FNDC1: variants seen among roughly 807,000 people sequenced by gnomAD.
FNDC1 encodes fibronectin type III domain-containing protein 1.
A neutral mutation model predicts 168.0 loss-of-function variants in FNDC1; 96 were observed. That is an observed-to-expected ratio of 0.57 (90% CI 0.48 to 0.68). FNDC1 has a LOEUF of 0.68. Ranked by LOEUF, FNDC1 falls within the 30% of genes least tolerant of loss-of-function variation. The pLI is 0.00. For synonymous variants in FNDC1, 1,099 were observed against 1,025.9 expected, an observed-to-expected ratio of 1.07 and a Z score of -1.36; for missense variants, 2,587 against 2,482.1, an observed-to-expected ratio of 1.04 and a Z score of -0.90.
intron 1 of FNDC1, among the ~76,000 whole-genome samples, chr6:159,174,503 C>T (rs1297165081): frequency 2.0e-5 from 3 of 152,270 alleles, no homozygotes. Context: ...TTCCGTGCAG[C>T]CCTAGTTGGA....
intron 4 of FNDC1, among the ~76,000 whole-genome samples, chr6:159,209,564 C>A (rs187736002): frequency 6.6e-6 from 1 of 152,298 alleles, no homozygotes; most frequent in African/African-American, 2.4e-5. Context: ...TGATGACACC[C>A]AGGATGTCAG....
Position 159,232,719 on chromosome 6 carries a change from T to C in FNDC1, c.2207T>C (p.Leu736Pro). 6.2e-7 allele frequency: 1 copy of C among 1,613,796 alleles called. No individual in the cohort carries two copies. The highest frequency in any genetic ancestry group is 1.1e-5 in the South Asian group (1 of 91,082). The change falls in exon 11 of 23, where the codon CTG (leucine) becomes CCG (proline). Residue 736 changes from leucine (L) to proline (P), a missense_variant. Transcript: ENST00000297267. This position sits in a 1 kb window ranked among gnomAD's most constrained non-coding sequence, Gnocchi z 4.9. ...SSRLLPTQPH[L>P]SSPLSKGGKD... ...CGGCTGCTGCCCACCCAGCCACACC[T>C]GAGCTCTCCACTTTCCAAGGGCGGG... is the stretch of plus-strand genomic sequence containing the variant.
intron 4 of FNDC1, among the ~76,000 whole-genome samples, chr6:159,205,368 G>C (rs1487411417): frequency 6.6e-6 from 1 of 152,196 alleles, no homozygotes; most frequent in Non-Finnish European, 1.5e-5. Context: ...TAAGGCATAT[G>C]ATCTTGCTGG....
intron 21 of FNDC1, among the ~76,000 whole-genome samples, chr6:159,266,586 A>G (rs1028765877): frequency 6.6e-6 from 1 of 152,178 alleles, no homozygotes; most frequent in African/African-American, 2.4e-5. Flanking sequence ...TCTACTAAAA[A>G]GAAATAAAAA....
intron 22 of FNDC1, among the ~76,000 whole-genome samples, chr6:159,268,263 T>A (rs1008000405): frequency 6.6e-6 from 1 of 152,054 alleles, no homozygotes; most frequent in Non-Finnish European, 1.5e-5. Context: ...AATACACTAA[T>A]CTCAAAGGTT....
At chr6:159,185,474 G>T (rs995799450) in intron 1 of FNDC1, among the ~76,000 whole-genome samples, 10 of 152,308 alleles carry the variant, frequency 6.6e-5, no homozygotes, top group African/African-American at 2.2e-4. Flanking sequence ...ACAAGTAAGA[G>T]AATTGTTTAT....
Position 159,239,722 on chromosome 6 carries a change from CACT to C in FNDC1, c.4389_4391del (p.Thr1465del), listed in dbSNP as rs1783364986. On this transcript the variant is annotated inframe_deletion, in exon 14 of 23. Coordinates refer to ENST00000297267, the MANE Select transcript of FNDC1 (RefSeq NM_032532.3). ...CCACTACTACGACGCCCCTGCCTACCACTACAACCCCGAGGCCCACCACTGCCA... is the reference window on the plus strand; with the variant it reads ...CCACTACTACGACGCCCCTGCCTACCACAACCCCGAGGCCCACCACTGCCA... The C allele has an allele frequency of 6.5e-7, 1 of 1,548,104 alleles. No homozygotes were observed. The highest frequency in any genetic ancestry group is 2.4e-5 in the East Asian group (1 of 40,900).
chr6:159,186,557 G>T (rs1023767392), intron 1 of FNDC1, among the ~76,000 whole-genome samples: 9 of 152,262 alleles, frequency 5.9e-5, no homozygotes, highest in Non-Finnish European at 1.5e-5. Context: ...ATGTAAGGCA[G>T]CATGCCTGGC....
chr6:159,201,859 C>T lies in FNDC1; in HGVS notation c.460+1278C>T, dbSNP rs1416379259. On this transcript the variant is annotated intron_variant, in intron 4 of 22. Transcript: ENST00000297267. ...TAAGCGTCTTATTTTTACATCCTTC[C>T]TGATACAGTTTTTTGAATGACAATA... Among the ~76,000 whole-genome samples the T allele has an allele frequency of 2.0e-5, 3 of 152,266 alleles. No homozygotes were observed. In the Middle Eastern group the frequency reaches 0.01, roughly 518 times the overall value.
intron 6 of FNDC1, among the ~76,000 whole-genome samples, chr6:159,222,920 A>G (rs1782860173): frequency 6.6e-6 from 1 of 152,112 alleles, no homozygotes; most frequent in South Asian, 2.1e-4. Flanking sequence ...CACCTAGGCA[A>G]AGCATCCCCT....
intron 1 of FNDC1, among the ~76,000 whole-genome samples, chr6:159,176,927 C>T (rs577240849): frequency 2.0e-5 from 3 of 152,198 alleles, no homozygotes; most frequent in South Asian, 4.1e-4. Context: ...AGTCATATCT[C>T]ATTTGAAGAA....
At chr6:159,236,751 A>G (rs551315232) in intron 12 of FNDC1, among the ~76,000 whole-genome samples, 66 of 152,362 alleles carry the variant, frequency 4.3e-4, no homozygotes, top group African/African-American at 1.4e-3. Context: ...CAAAGGACAC[A>G]GGGTAAAAAT....
chr6:159,247,930 G>A (rs1393028711), intron 15 of FNDC1, among the ~76,000 whole-genome samples: 1 of 152,148 alleles, frequency 6.6e-6, no homozygotes, highest in Non-Finnish European at 1.5e-5. Context: ...CCCAGTGCCG[G>A]CCTTTGACAC....
chr6:159,191,036 G>A (rs771121661), intron 1 of FNDC1, among the ~76,000 whole-genome samples: 1 of 152,200 alleles, frequency 6.6e-6, no homozygotes, highest in Admixed American at 6.5e-5. Context: ...CAAGCTTGGC[G>A]GAAAGCAAAG....
chr6:159,197,115 C>T (rs922511234), intron 1 of FNDC1, among the ~76,000 whole-genome samples: 4 of 152,318 alleles, frequency 2.6e-5, no homozygotes, highest in African/African-American at 9.6e-5. Context: ...TGGCAAATTA[C>T]TGATTTGTTA....
chr6:159,179,871 C>T (rs755493790), intron 1 of FNDC1, among the ~76,000 whole-genome samples: 3 of 152,090 alleles, frequency 2.0e-5, no homozygotes, highest in East Asian at 1.9e-4. Context: ...GTATGTTGAC[C>T]GGCCTCCAGC....
chr6:159,235,469 C>T (rs1783230545), intron 11 of FNDC1, among the ~76,000 whole-genome samples: 1 of 152,036 alleles, frequency 6.6e-6, no homozygotes, highest in Admixed American at 6.5e-5. Flanking sequence ...ACTCAACGTT[C>T]CCTTGTATAT....
At chr6:159,235,745 T>C (rs1024823505) in intron 11 of FNDC1, among the ~76,000 whole-genome samples, 1 of 152,182 alleles carries the variant, frequency 6.6e-6, no homozygotes, top group African/African-American at 2.4e-5. Context: ...GAGACAGCAT[T>C]GTGCTTTTAT....
chr6:159,251,769 G>A (rs77677169), intron 17 of FNDC1, among the ~76,000 whole-genome samples: 3,430 of 152,252 alleles, frequency 0.023, 131 homozygotes, highest in African/African-American at 0.079. Context: ...CTAAATCCGC[G>A]TCCCAGATTG....
Sources: allele counts gnomAD v4.1 joint callset (sites outside exome capture counted in the v4.1 genomes callset), GRCh38; gene constraint gnomAD v4.1.1; non-coding constraint Gnocchi (gnomAD v3.1); transcripts MANE v1.5; gene names NCBI Gene and HGNC (gene_info 2026-07-23, HGNC 2026-07-21).